Variants in FAT3 observed in about 807,000 individuals in gnomAD.
The protein encoded by FAT3 is protocadherin Fat 3.
A neutral mutation model predicts 310.2 loss-of-function variants in FAT3; 95 were observed. The observed-to-expected ratio is 0.31, with a 90% CI of 0.26 to 0.36. The LOEUF is 0.36. Among genes scored for constraint, FAT3 ranks in the 10% least tolerant of loss-of-function variants. FAT3 has a pLI of 1.00. For synonymous variants in FAT3, 2,314 were observed against 2,192.9 expected, an observed-to-expected ratio of 1.06 and a Z score of -1.54; for missense variants, 5,408 against 5,715.6, an observed-to-expected ratio of 0.95 and a Z score of 1.74.
chr11:92,671,183 T>C (rs1943117714), intron 3 of FAT3, among the ~76,000 whole-genome samples: 1 of 152,158 alleles, frequency 6.6e-6, no homozygotes, highest in East Asian at 1.9e-4. Flanking sequence ...CAGCTGGGAT[T>C]ACATGCATGC....
At chr11:92,529,507 T>C (rs966339491) in intron 3 of FAT3, among the ~76,000 whole-genome samples, 2 of 152,194 alleles carry the variant, frequency 1.3e-5, no homozygotes, top group African/African-American at 4.8e-5. Flanking sequence ...AGTTTGATAA[T>C]AGTTAAATTT....
chr11:92,794,034 A>C (rs1431344661), intron 9 of FAT3, among the ~76,000 whole-genome samples: 1 of 152,202 alleles, frequency 6.6e-6, no homozygotes, highest in South Asian at 2.1e-4. Context: ...CTACTTAAAA[A>C]AAGAAAAAGA....
At chr11:92,261,751 T>A (rs941005248) in intron 1 of FAT3, among the ~76,000 whole-genome samples, 7 of 152,064 alleles carry the variant, frequency 4.6e-5, no homozygotes, top group African/African-American at 1.7e-4. Flanking sequence ...ATTTTAAAAA[T>A]CAGAATAATA....
chr11:92,350,359 T>C (rs181725756), intron 1 of FAT3, among the ~76,000 whole-genome samples: 167 of 152,110 alleles, frequency 1.1e-3, no homozygotes, highest in African/African-American at 3.8e-3. Flanking sequence ...TAGGGATTTT[T>C]TTTTTTTTCA....
chr11:92,546,697 G>A (rs1252525020), intron 3 of FAT3, among the ~76,000 whole-genome samples: 1 of 152,108 alleles, frequency 6.6e-6, no homozygotes, highest in Non-Finnish European at 1.5e-5. Context: ...CTTGTTGTTT[G>A]GATTCATTAT....
At position 92,455,133 on chromosome 11, in the gene FAT3, C is replaced by T. The variant is rs149617741; in HGVS notation, c.3293-69501C>T. ...CAACCACTTTGCAAGAATGTGTCCTCTGGGGGAATATCCCTGAATATTTTT... is the reference window on the plus strand; with the variant it reads ...CAACCACTTTGCAAGAATGTGTCCTTTGGGGGAATATCCCTGAATATTTTT... On this transcript the variant is annotated intron_variant, in intron 2 of 27. Transcript: ENST00000525166. Among the ~76,000 whole-genome samples, 41 of 152,284 alleles carry T rather than the reference C, an allele frequency of 2.7e-4. No individual in the cohort carries two copies. In the East Asian group the frequency reaches 7.7e-3, roughly 29 times the overall value.
Position 92,896,346 on chromosome 11 carries a change from CAAAA to C in FAT3, c.*5239_*5242del, listed in dbSNP as rs892602062. 7.7e-6 allele frequency: 1 copy of C among 129,808 alleles called. No homozygotes were observed. The highest frequency in any genetic ancestry group is 2.9e-5 in the African/African-American group (1 of 34,946). The allele number at this position is 129,808 out of a possible 1,614,324, so 8.0% of individuals were successfully genotyped here. ...AAAAGAAAAAAAAAACAAAAGCAAA[CAAAA>C]AAAAAGACAGCCAAAAAAAAGAAAC... On this transcript the variant is annotated 3_prime_UTR_variant, in exon 28 of 28. Transcript: ENST00000525166.
At chr11:92,732,147 G>A (rs1026975795) in intron 4 of FAT3, among the ~76,000 whole-genome samples, 18 of 152,098 alleles carry the variant, frequency 1.2e-4, no homozygotes, top group Admixed American at 3.9e-4. Flanking sequence ...TGTTTCTTAC[G>A]CTAGGTACTG....
chr11:92,435,988 A>G (rs4457712), intron 2 of FAT3, among the ~76,000 whole-genome samples: 8,174 of 152,278 alleles, frequency 0.054, 468 homozygotes, highest in African/African-American at 0.14. Flanking sequence ...CGTTACTAAC[A>G]TATATACACA....
chr11:92,685,556 T>G (rs1565512249), intron 3 of FAT3, among the ~76,000 whole-genome samples: 2 of 150,860 alleles, frequency 1.3e-5, no homozygotes, highest in South Asian at 2.1e-4. Flanking sequence ...ACACATTTCA[T>G]TATTATATAT....
intron 3 of FAT3, among the ~76,000 whole-genome samples, chr11:92,599,877 G>A (rs1395630477): frequency 2.6e-5 from 4 of 152,110 alleles, no homozygotes; most frequent in South Asian, 2.1e-4. Context: ...TACTCCCTAT[G>A]CCTTTTAAAA....
intron 2 of FAT3, among the ~76,000 whole-genome samples, chr11:92,462,567 A>G (rs1951663384): frequency 6.6e-6 from 1 of 152,220 alleles, no homozygotes; most frequent in Non-Finnish European, 1.5e-5. Flanking sequence ...GTGAGAAAAT[A>G]GTAAAGGAAA....
chr11:92,434,984 T>C (rs1244840182), intron 2 of FAT3, among the ~76,000 whole-genome samples: 1 of 152,142 alleles, frequency 6.6e-6, no homozygotes, highest in East Asian at 1.9e-4. Flanking sequence ...GGGATTTTAT[T>C]AGGGGCTTGC....
Position 92,389,980 on chromosome 11 carries a change from G to A in FAT3, c.3292+34576G>A, listed in dbSNP as rs546697258. On this transcript the variant is annotated intron_variant, in intron 2 of 27. Coordinates refer to ENST00000525166, the MANE Select transcript of FAT3 (RefSeq NM_001367949.2). Reference sequence around the variant, plus strand: ...CAGGAGCAGAGTAGGTGGGAGGCACGTCTGTAGAAAAGCAGTGGAAGCAAA... The same window carrying A: ...CAGGAGCAGAGTAGGTGGGAGGCACATCTGTAGAAAAGCAGTGGAAGCAAA... 1.1e-4 allele frequency among the ~76,000 whole-genome samples: 17 copies of A among 151,980 alleles called. No individual in the cohort carries two copies. The South Asian group carries it at 2.9e-3, about 26-fold the overall frequency.
chr11:92,572,124 C>A (rs1486669733), intron 3 of FAT3, among the ~76,000 whole-genome samples: 10 of 152,166 alleles, frequency 6.6e-5, no homozygotes, highest in African/African-American at 2.4e-4. Flanking sequence ...AAAGACATGG[C>A]CCCTGCCCTT....
chr11:92,681,937 A>G (rs1721456293), intron 3 of FAT3, among the ~76,000 whole-genome samples: 1 of 152,188 alleles, frequency 6.6e-6, no homozygotes. Flanking sequence ...AAAGAATGAG[A>G]CAGAATAGAA....
intron 22 of FAT3, among the ~76,000 whole-genome samples, chr11:92,868,760 G>T (rs1482082926): frequency 6.6e-6 from 1 of 152,080 alleles, no homozygotes; most frequent in African/African-American, 2.4e-5. Context: ...AAAGAGACTA[G>T]GGAATCTTGC....
intron 3 of FAT3, among the ~76,000 whole-genome samples, chr11:92,562,455 T>C (rs1020219381): frequency 6.6e-6 from 1 of 152,232 alleles, no homozygotes; most frequent in African/African-American, 2.4e-5. Flanking sequence ...AGCCTCAGTC[T>C]TCTTACCTGT....
Position 92,847,444 on chromosome 11 carries a change from C to T in FAT3, c.11365+2712C>T, listed in dbSNP as rs190344719. Among the ~76,000 whole-genome samples, 31 of 152,236 alleles carry T rather than the reference C, an allele frequency of 2.0e-4. 1 individual carries two copies. Among genetic ancestry groups the T allele is most frequent in the Admixed American group, 3.9e-4 (6 of 15,296 alleles). On this transcript the variant is annotated intron_variant, in intron 19 of 27. Coordinates refer to ENST00000525166, the MANE Select transcript of FAT3 (RefSeq NM_001367949.2). ...TGATGTTTGCACAATGACGAAATAGCCCAACGATGCATTTCACAGAATATA... is the reference window on the plus strand; with the variant it reads ...TGATGTTTGCACAATGACGAAATAGTCCAACGATGCATTTCACAGAATATA...
Sources: gnomAD v4.1 joint callset for allele counts (sites outside exome capture counted in the v4.1 genomes callset) on GRCh38, gnomAD v4.1.1 for gene constraint, MANE v1.5 for transcripts, NCBI Gene and HGNC (gene_info 2026-07-23, HGNC 2026-07-21) for gene names.